Variants in LHFPL6 observed in about 807,000 individuals in gnomAD.
LHFPL6 encodes the protein LHFPL tetraspan subfamily member 6.
In LHFPL6, 9 loss-of-function variants were observed where a neutral mutation model predicts 20.6. The ratio of observed to expected loss-of-function variants is 0.44; its 90% CI spans 0.26 to 0.76. LHFPL6 has a LOEUF of 0.76. LHFPL6 is among the 30% of genes least tolerant of loss of function. LHFPL6 has a pLI of 0.20. For missense variants in LHFPL6, 218 were observed against 253.5 expected, an observed-to-expected ratio of 0.86 and a Z score of 0.95; for synonymous variants, 105 against 98.7, an observed-to-expected ratio of 1.06 and a Z score of -0.38.
At chr13:39,422,158 G>A (rs1447221012) in intron 2 of LHFPL6, among the ~76,000 whole-genome samples, 1 of 152,180 alleles carries the variant, frequency 6.6e-6, no homozygotes, top group Non-Finnish European at 1.5e-5. Flanking sequence ...TCAATAACCT[G>A]GGAGCAAGTA....
chr13:39,558,855 T>C (rs1309011935), intron 2 of LHFPL6, among the ~76,000 whole-genome samples: 3 of 152,258 alleles, frequency 2.0e-5, no homozygotes, highest in African/African-American at 7.2e-5. Context: ...TGTTTGCATA[T>C]ATTTAAGTAA....
intron 1 of LHFPL6, among the ~76,000 whole-genome samples, chr13:39,602,501 G>C (rs1013232895): frequency 5.3e-5 from 8 of 152,182 alleles, no homozygotes; most frequent in African/African-American, 1.9e-4. Flanking sequence ...AGACCAGCAG[G>C]GGGTGGCCTG....
At chr13:39,417,009 C>T (rs1038062924) in intron 2 of LHFPL6, among the ~76,000 whole-genome samples, 1 of 152,128 alleles carries the variant, frequency 6.6e-6, no homozygotes, top group Non-Finnish European at 1.5e-5. Flanking sequence ...TCTAGCCTGC[C>T]GATACATTTA....
At chr13:39,473,274 G>T (rs961087050) in intron 2 of LHFPL6, among the ~76,000 whole-genome samples, 2 of 150,866 alleles carry the variant, frequency 1.3e-5, no homozygotes, top group Admixed American at 1.3e-4. Context: ...TGTGCTTTAA[G>T]AACCAAAGTT....
intron 2 of LHFPL6, among the ~76,000 whole-genome samples, chr13:39,468,623 GA>G (rs1432669445): frequency 2.0e-4 from 31 of 152,248 alleles, no homozygotes; most frequent in African/African-American, 7.2e-4. Context: ...TTTGCACTCT[GA>G]AATCCATCAG....
chr13:39,573,380 C>T (rs7331023), intron 2 of LHFPL6, among the ~76,000 whole-genome samples: 131,406 of 152,206 alleles, frequency 0.86, 56,839 homozygotes, highest in South Asian at 0.93. Context: ...TAAAAAGAAC[C>T]GTTCACATGG....
chr13:39,383,394 C>T (rs528310744), intron 2 of LHFPL6, among the ~76,000 whole-genome samples: 2 of 152,324 alleles, frequency 1.3e-5, no homozygotes, highest in South Asian at 4.2e-4. Flanking sequence ...CCACAGGTAG[C>T]CCTTTAAGTT....
chr13:39,437,675 G>A (rs1020982977), intron 2 of LHFPL6, among the ~76,000 whole-genome samples: 35 of 152,178 alleles, frequency 2.3e-4, no homozygotes, highest in African/African-American at 6.7e-4. Flanking sequence ...AGGCTGAGGC[G>A]GGCGGATCAC....
intron 2 of LHFPL6, among the ~76,000 whole-genome samples, chr13:39,529,463 T>G (rs922051367): frequency 1.3e-5 from 2 of 152,206 alleles, no homozygotes; most frequent in Non-Finnish European, 2.9e-5. Flanking sequence ...TAGATATTCA[T>G]GAGTTCCTAC....
At chr13:39,512,107 G>T in intron 2 of LHFPL6, among the ~76,000 whole-genome samples, 1 of 152,128 alleles carries the variant, frequency 6.6e-6, no homozygotes, top group East Asian at 1.9e-4. Flanking sequence ...GACTTTTAAG[G>T]TATAAAGATA....
chr13:39,517,673 C>A (rs9548790), intron 2 of LHFPL6, among the ~76,000 whole-genome samples: 32,023 of 151,922 alleles, frequency 0.21, 4,070 homozygotes, highest in South Asian at 0.39. Context: ...TCCATGTACA[C>A]CTTTTGTCCT....
At chr13:39,438,698 C>T (rs912437802) in intron 2 of LHFPL6, among the ~76,000 whole-genome samples, 26 of 152,240 alleles carry the variant, frequency 1.7e-4, no homozygotes, top group Admixed American at 1.4e-3. Context: ...GCATCCTGGC[C>T]GTTTCAGCTA....
At chr13:39,548,868 G>C (rs73175200) in intron 2 of LHFPL6, among the ~76,000 whole-genome samples, 4 of 152,154 alleles carry the variant, frequency 2.6e-5, no homozygotes, top group African/African-American at 9.7e-5. Flanking sequence ...AGCCACTCTG[G>C]AAGCATCAAA....
At chr13:39,473,773 C>T (rs140638569) in intron 2 of LHFPL6, among the ~76,000 whole-genome samples, 17 of 152,298 alleles carry the variant, frequency 1.1e-4, no homozygotes, top group African/African-American at 3.1e-4. Context: ...AGATGTGTCA[C>T]TTGAAGTGCT....
intron 2 of LHFPL6, among the ~76,000 whole-genome samples, chr13:39,495,561 T>C (rs1460330773): frequency 6.6e-6 from 1 of 151,970 alleles, no homozygotes; most frequent in Non-Finnish European, 1.5e-5. Flanking sequence ...AGCAACTCAG[T>C]TGATCCATCT....
intron 2 of LHFPL6, among the ~76,000 whole-genome samples, chr13:39,402,161 T>C (rs1320358705): frequency 1.3e-5 from 2 of 152,228 alleles, no homozygotes; most frequent in East Asian, 1.9e-4. Context: ...ATTTTTGATA[T>C]ACTTATTTCT....
chr13:39,570,333 C>G (rs773767215), intron 2 of LHFPL6, among the ~76,000 whole-genome samples: 3 of 151,986 alleles, frequency 2.0e-5, no homozygotes, highest in Non-Finnish European at 4.4e-5. Context: ...TTAGTAGAGA[C>G]AGGGTCTCAC....
intron 2 of LHFPL6, among the ~76,000 whole-genome samples, chr13:39,436,601 C>T (rs1871964413): frequency 6.6e-6 from 1 of 152,146 alleles, no homozygotes; most frequent in African/African-American, 2.4e-5. Flanking sequence ...TAGTTCCTAC[C>T]AATACTTATA....
chr13:39,557,151 A>G (rs1196944246), intron 2 of LHFPL6, among the ~76,000 whole-genome samples: 1 of 152,220 alleles, frequency 6.6e-6, no homozygotes, highest in Non-Finnish European at 1.5e-5. Flanking sequence ...AGCATTTCAG[A>G]AATCTTTGAG....
Sources: gnomAD v4.1 joint callset for allele counts (sites outside exome capture counted in the v4.1 genomes callset) on GRCh38, gnomAD v4.1.1 for gene constraint, MANE v1.5 for transcripts, NCBI Gene and HGNC (gene_info 2026-07-23, HGNC 2026-07-21) for gene names.